The following PRDM10 variants were observed in gnomAD, a reference collection of about 807,000 sequenced individuals.
PRDM10 encodes PR domain zinc finger protein 10.
A neutral mutation model predicts 133.1 loss-of-function variants in PRDM10; 65 were observed. The observed-to-expected ratio is 0.49, with a 90% confidence interval of 0.40 to 0.60. The LOEUF is 0.60. Among genes scored for constraint, PRDM10 ranks in the 20% least tolerant of loss-of-function variants. PRDM10 has a pLI of 0.00. For synonymous variants in PRDM10, 582 were observed against 580.4 expected, an observed-to-expected ratio of 1.00 and a Z score of -0.04; for missense variants, 1,137 against 1,507.1, an observed-to-expected ratio of 0.75 and a Z score of 4.07.
intron 19 of PRDM10, 119 bp from the exon 20 acceptor site, chr11:129,905,860 A>G (rs930293267): frequency 2.1e-5 from 17 of 824,260 alleles, no homozygotes; most frequent in Admixed American, 1.9e-4. Flanking sequence ...GAGTCTCACA[A>G]TGATGTGATT....
intron 1 of PRDM10, among the ~76,000 whole-genome samples, chr11:130,001,314 CCTT>C (rs1289682537): frequency 1.3e-5 from 2 of 152,108 alleles, no homozygotes; most frequent in African/African-American, 4.8e-5. Context: ...TAATAATACA[CCTT>C]CTTGCCTTAC....
At chr11:129,962,891 G>A (rs947424664) in intron 1 of PRDM10, among the ~76,000 whole-genome samples, 4 of 152,136 alleles carry the variant, frequency 2.6e-5, no homozygotes. Flanking sequence ...GTTCACACCT[G>A]TAATCCCAGC....
In PRDM10 at chr11:129,905,749, A is replaced by C; in HGVS notation, c.3164-8T>G. ...TCATTTGAATCTCAGATGCTAAAAAACAGGAAATATTCATAGTTCAGTGGT... is the reference window on the plus strand; with the variant it reads ...TCATTTGAATCTCAGATGCTAAAAACCAGGAAATATTCATAGTTCAGTGGT... On this transcript the variant is annotated splice_region_variant and splice_polypyrimidine_tract_variant and intron_variant, in intron 19 of 20. Transcript: ENST00000360871. 1 of 1,610,322 alleles carries C rather than the reference A, an allele frequency of 6.2e-7. No homozygotes were observed. Among genetic ancestry groups the C allele is most frequent in the Admixed American group, 1.7e-5 (1 of 60,012 alleles).
At chr11:129,910,793 T>C (rs1950165735) in intron 18 of PRDM10, 137 bp from the exon 19 acceptor site, 1 of 905,310 alleles carries the variant, frequency 1.1e-6, no homozygotes, top group Admixed American at 3.5e-5. Flanking sequence ...TTTTTTCTTT[T>C]GAGATGGAGT....
chr11:129,983,092 T>C (rs549064696), intron 1 of PRDM10, among the ~76,000 whole-genome samples: 1 of 151,808 alleles, frequency 6.6e-6, no homozygotes, highest in South Asian at 2.1e-4. Context: ...TTCTCCTGTG[T>C]CAACCTCCCG....
chr11:129,921,779 T>C (rs1163357490), intron 13 of PRDM10, among the ~76,000 whole-genome samples: 1 of 152,200 alleles, frequency 6.6e-6, no homozygotes, highest in Non-Finnish European at 1.5e-5. Context: ...TCCGTGCTGC[T>C]CTAGACGGTG....
At chr11:129,979,313 G>A (rs1413461440) in intron 1 of PRDM10, among the ~76,000 whole-genome samples, 1 of 152,106 alleles carries the variant, frequency 6.6e-6, no homozygotes, top group Non-Finnish European at 1.5e-5. Flanking sequence ...TCTGGCTCGA[G>A]GAGCAGAACT....
chr11:129,999,473 T>G (rs1939228382), intron 1 of PRDM10, among the ~76,000 whole-genome samples: 1 of 152,232 alleles, frequency 6.6e-6, no homozygotes, highest in South Asian at 2.1e-4. Flanking sequence ...GGACTGGGTG[T>G]GGCTACACTA....
At chr11:129,929,750 TCC>T (rs1950793691) in intron 11 of PRDM10, among the ~76,000 whole-genome samples, 1 of 144,766 alleles carries the variant, frequency 6.9e-6, no homozygotes, top group Non-Finnish European at 1.5e-5. Flanking sequence ...TTTTTTTTTT[TCC>T]TTCCAAAAAA....
chr11:129,940,486 A>T (rs1489153741), intron 7 of PRDM10, among the ~76,000 whole-genome samples: 2 of 152,166 alleles, frequency 1.3e-5, no homozygotes, highest in Non-Finnish European at 2.9e-5. Flanking sequence ...GTATCCATTT[A>T]TTTTTGCTAA....
At chr11:129,996,297 G>A (rs559240306) in intron 1 of PRDM10, among the ~76,000 whole-genome samples, 13 of 152,322 alleles carry the variant, frequency 8.5e-5, no homozygotes, top group Non-Finnish European at 1.9e-4. Flanking sequence ...GGCGGTGTGG[G>A]TTCAGCTTGC....
intron 1 of PRDM10, among the ~76,000 whole-genome samples, chr11:129,962,252 A>C (rs113272050): frequency 2.6e-5 from 4 of 152,356 alleles, no homozygotes; most frequent in African/African-American, 9.6e-5. Flanking sequence ...TGGTATTTTA[A>C]AAGTCCACTT....
chr11:129,949,223 A>C lies in PRDM10; in HGVS notation c.295-1853T>G, dbSNP rs144244752. ...CTATGGGCTTTGGAGTCAGGCATTTAGAGTAAAATCCTTGCCCCACCCCTT... is the reference window on the plus strand; with the variant it reads ...CTATGGGCTTTGGAGTCAGGCATTTCGAGTAAAATCCTTGCCCCACCCCTT... On this transcript the variant is annotated intron_variant, in intron 4 of 20. Coordinates refer to ENST00000360871, the MANE Select transcript of PRDM10 (RefSeq NM_199437.2). Among the ~76,000 whole-genome samples the C allele has an allele frequency of 3.4e-3, 511 of 152,292 alleles. 7 individuals carry two copies. Among genetic ancestry groups the C allele is most frequent in the African/African-American group, 0.012 (486 of 41,556 alleles).
intron 1 of PRDM10, among the ~76,000 whole-genome samples, chr11:130,000,154 C>A: frequency 6.6e-6 from 1 of 151,788 alleles, no homozygotes; most frequent in Non-Finnish European, 1.5e-5. Context: ...AGTGATTCTC[C>A]TGCCTCAGCC....
chr11:129,935,030 T>C, intron 9 of PRDM10, 71 bp downstream of exon 9: 1 of 1,306,716 alleles, frequency 7.7e-7, no homozygotes, highest in Non-Finnish European at 1.1e-6. Context: ...ACTCATTAGC[T>C]AGTGGACAAT....
chr11:129,984,629 C>T (rs1938311366), intron 1 of PRDM10, among the ~76,000 whole-genome samples: 2 of 152,232 alleles, frequency 1.3e-5, no homozygotes, highest in African/African-American at 4.8e-5. Context: ...TCCCTGACCT[C>T]ACATGGCACT....
intron 1 of PRDM10, among the ~76,000 whole-genome samples, chr11:129,968,870 T>C (rs1028853784): frequency 2.0e-5 from 3 of 152,124 alleles, no homozygotes; most frequent in African/African-American, 7.2e-5. Flanking sequence ...TATAGAAACA[T>C]AGCAAACGAT....
At chr11:129,973,013 T>C (rs1026603334) in intron 1 of PRDM10, among the ~76,000 whole-genome samples, 3 of 152,236 alleles carry the variant, frequency 2.0e-5, no homozygotes, top group Admixed American at 6.5e-5. Flanking sequence ...TTTTAGCGCC[T>C]TTTTCTTCCT....
intron 1 of PRDM10, among the ~76,000 whole-genome samples, chr11:129,978,168 T>A (rs1429218121): frequency 6.6e-6 from 1 of 152,102 alleles, no homozygotes; most frequent in Non-Finnish European, 1.5e-5. Context: ...GAAATGAGGC[T>A]GTGATAATGC....
Sources: allele counts gnomAD v4.1 joint callset (sites outside exome capture counted in the v4.1 genomes callset), GRCh38; gene constraint gnomAD v4.1.1; transcripts MANE v1.5; gene names NCBI Gene and HGNC (gene_info 2026-07-23, HGNC 2026-07-21).